ITGA8: variants seen among roughly 807,000 people sequenced by gnomAD.
ITGA8 encodes integrin subunit alpha 8.
ITGA8 carries 91 observed loss-of-function variants against 142.3 expected under a neutral mutation model. That is an observed-to-expected ratio of 0.64 (90% CI 0.54 to 0.76). The LOEUF (loss-of-function observed/expected upper bound fraction) is 0.76. Ranked by LOEUF, ITGA8 falls within the 30% of genes least tolerant of loss-of-function variation. The probability of loss-of-function intolerance (pLI) is 0.00; values close to 1 mark genes in which losing one functional copy is unlikely to be tolerated. For synonymous variants in ITGA8, 505 were observed against 485.2 expected (o/e 1.04, Z -0.54); for missense variants, 1,406 against 1,327.7 (o/e 1.06, Z -0.92).
intron 27 of ITGA8, among the ~76,000 whole-genome samples, chr10:15,539,047 A>G (rs1833515774): frequency 6.7e-6 from 1 of 148,532 alleles, no homozygotes; most frequent in South Asian, 2.1e-4. Context: ...TATGTGTAGC[A>G]TTTCTGGAAG....
intron 28 of ITGA8, among the ~76,000 whole-genome samples, chr10:15,523,381 T>G (rs1833105076): frequency 6.6e-6 from 1 of 152,192 alleles, no homozygotes; most frequent in African/African-American, 2.4e-5. Flanking sequence ...GATATGATTC[T>G]TAGGGTCTTT....
At chr10:15,576,771 A>G (rs1212677703) in intron 23 of ITGA8, among the ~76,000 whole-genome samples, 1 of 152,206 alleles carries the variant, frequency 6.6e-6, no homozygotes, top group Non-Finnish European at 1.5e-5. Flanking sequence ...GTCAAAGTTA[A>G]TTTGGCTGCA....
At chr10:15,683,323 ACCC>A (rs1564407432) in intron 4 of ITGA8, among the ~76,000 whole-genome samples, 7 of 96,050 alleles carry the variant, frequency 7.3e-5, no homozygotes, top group African/African-American at 3.5e-4. Flanking sequence ...CCACCCACCC[ACCC>A]ACCCATCCAT....
In ITGA8 at chr10:15,711,279, C is replaced by T. The variant is rs186931445; in HGVS notation, c.343+7487G>A. 5.1e-4 allele frequency among the ~76,000 whole-genome samples: 77 copies of T among 152,256 alleles called. No homozygotes were observed. In the South Asian group the frequency reaches 0.013, roughly 25 times the overall value. ...GTTCCTACATGATGATCTGACCAAT[C>T]GTTCAGCCTTACTTAGGAGCGGTGG... On this transcript the variant is annotated intron_variant, in intron 2 of 29. Transcript: ENST00000378076.
chr10:15,690,368 G>A (rs1466210489), intron 2 of ITGA8, among the ~76,000 whole-genome samples: 2 of 152,172 alleles, frequency 1.3e-5, no homozygotes, highest in Non-Finnish European at 2.9e-5. Context: ...TTCCTCTGCA[G>A]AGCCATGCCA....
chr10:15,616,071 A>G (rs1297987695), intron 14 of ITGA8, among the ~76,000 whole-genome samples: 1 of 152,226 alleles, frequency 6.6e-6, no homozygotes, highest in African/African-American at 2.4e-5. Flanking sequence ...ACTGTTTTCA[A>G]TACTTGCCTT....
At chr10:15,641,206 A>G (rs920431877) in intron 13 of ITGA8, among the ~76,000 whole-genome samples, 2 of 152,204 alleles carry the variant, frequency 1.3e-5, no homozygotes, top group South Asian at 4.1e-4. Context: ...GGTGCATGCT[A>G]CCACGGCTGG....
rs35130036 is a variant in ITGA8 at position 15,532,418 on chromosome 10, C to CAAAAAAAAAAAAAAAAA, written c.2881-1284_2881-1268dup. 4.3e-4 allele frequency among the ~76,000 whole-genome samples: 12 copies of CAAAAAAAAAAAAAAAAA among 27,838 alleles called. 1 individual carries two copies. Among genetic ancestry groups the CAAAAAAAAAAAAAAAAA allele is most frequent in the African/African-American group, 2.5e-3 (12 of 4,758 alleles). The allele number at this position is 27,838 out of a possible 152,430, so 18.3% of individuals were successfully genotyped here. On this transcript the variant is annotated intron_variant, in intron 27 of 29. Coordinates refer to ENST00000378076, the MANE Select transcript of ITGA8 (RefSeq NM_003638.3). ...TGCGCAACCGAGTGAGACTCCCTCTCAAAAAAAAAAAAAAAAAAAAAAAAA... is the reference window on the plus strand; with the variant it reads ...TGCGCAACCGAGTGAGACTCCCTCTCAAAAAAAAAAAAAAAAAAAAAAAAAAAAAAAAAAAAAAAAAA...
At chr10:15,566,675 G>A (rs1184278542) in intron 25 of ITGA8, among the ~76,000 whole-genome samples, 1 of 151,880 alleles carries the variant, frequency 6.6e-6, no homozygotes, top group African/African-American at 2.4e-5. Flanking sequence ...AGCAAGGTGG[G>A]TGGTACATTC....
intron 8 of ITGA8, among the ~76,000 whole-genome samples, chr10:15,661,754 C>T (rs532061227): frequency 3.9e-5 from 6 of 152,180 alleles, no homozygotes; most frequent in Admixed American, 1.3e-4. Flanking sequence ...TGGACAGGGA[C>T]GTGGATGATT....
At chr10:15,584,215 C>G (rs1046759888) in intron 23 of ITGA8, among the ~76,000 whole-genome samples, 23 of 152,068 alleles carry the variant, frequency 1.5e-4, no homozygotes, top group Admixed American at 1.2e-3. Context: ...GAGAATCACT[C>G]GAACCCTGGA....
chr10:15,678,734 C>G lies in ITGA8; in HGVS notation c.618G>C (p.Leu206=). 4 of 1,609,548 alleles carry G rather than the reference C, an allele frequency of 2.5e-6. No homozygotes were observed. Among genetic ancestry groups the G allele is most frequent in the Non-Finnish European group, 3.4e-6 (4 of 1,176,386 alleles). ...CAAAATAATTCACCTTATAAAAATCCAGACTAAATCCTGCTTGGCAGTAAC... is the reference window on the plus strand; with the variant it reads ...CAAAATAATTCACCTTATAAAAATCGAGACTAAATCCTGCTTGGCAGTAAC... ...GQGYCQAGFS[L]DFYKNGDLIV... is the part of the protein sequence containing the mutation. Residue 206 remains leucine, a synonymous_variant, in exon 5 of 30, where the codon CTG becomes CTC. Coordinates refer to ENST00000378076, the MANE Select transcript of ITGA8 (RefSeq NM_003638.3).
chr10:15,639,866 C>A (rs1833839498), intron 13 of ITGA8, among the ~76,000 whole-genome samples: 1 of 152,208 alleles, frequency 6.6e-6, no homozygotes, highest in Non-Finnish European at 1.5e-5. Flanking sequence ...TTGCGAACCC[C>A]TGTTTATAAA....
intron 15 of ITGA8, among the ~76,000 whole-genome samples, chr10:15,609,960 T>C (rs1274752227): frequency 6.6e-6 from 1 of 152,208 alleles, no homozygotes; most frequent in Non-Finnish European, 1.5e-5. Context: ...TGGTATATAG[T>C]TGATAAATGA....
intron 13 of ITGA8, among the ~76,000 whole-genome samples, chr10:15,626,036 C>T (rs2131628669): frequency 6.6e-6 from 1 of 152,220 alleles, no homozygotes; most frequent in East Asian, 1.9e-4. Flanking sequence ...AAGAAACAGG[C>T]AACATGGCAC....
At chr10:15,640,807 G>T (rs987365659) in intron 13 of ITGA8, among the ~76,000 whole-genome samples, 6 of 152,170 alleles carry the variant, frequency 3.9e-5, no homozygotes, top group Non-Finnish European at 5.9e-5. Flanking sequence ...ACTGAAAGAG[G>T]CTAACAGAGG....
rs1355129875 is a variant in ITGA8, at chr10:15,576,773, T to C, written c.2373-1179A>G. ...TCAAATGCTTTTGGTCAAAGTTAAT[T>C]TGGCTGCATTGTTTTCTAGGAATGA... is the stretch of plus-strand genomic sequence containing the variant. On this transcript the variant is annotated intron_variant, in intron 23 of 29. Coordinates refer to ENST00000378076, the MANE Select transcript of ITGA8 (RefSeq NM_003638.3). 2.6e-5 allele frequency among the ~76,000 whole-genome samples: 4 copies of C among 152,246 alleles called. No individual in the cohort carries two copies. The East Asian group carries it at 7.7e-4, about 29-fold the overall frequency.
At chr10:15,576,802 C>T (rs1290101214) in intron 23 of ITGA8, among the ~76,000 whole-genome samples, 1 of 152,172 alleles carries the variant, frequency 6.6e-6, no homozygotes, top group South Asian at 2.1e-4. Context: ...GGAATGAGTA[C>T]ATTTTAAAAA....
At chr10:15,711,546 A>G (rs1018563173) in intron 2 of ITGA8, among the ~76,000 whole-genome samples, 1 of 151,972 alleles carries the variant, frequency 6.6e-6, no homozygotes, top group Non-Finnish European at 1.5e-5. Context: ...TTATTTACGT[A>G]TTTATAAAAT....
Sources: allele counts gnomAD v4.1 joint callset (sites outside exome capture counted in the v4.1 genomes callset), GRCh38; gene constraint gnomAD v4.1.1; transcripts MANE v1.5; gene names NCBI Gene and HGNC (gene_info 2026-07-23, HGNC 2026-07-21).